The following KMT5A variants were observed in gnomAD, a reference collection of about 807,000 sequenced individuals.
The protein encoded by KMT5A is N-lysine methyltransferase KMT5A.
Under a neutral mutation model 40.6 loss-of-function variants are expected in KMT5A, and 6 were observed. The ratio of observed to expected loss-of-function variants is 0.15; its 90% CI spans 0.08 to 0.29. KMT5A has a LOEUF of 0.29. Ranked by LOEUF, KMT5A falls within the 10% of genes least tolerant of loss-of-function variation. The pLI is 1.00. For missense variants in KMT5A, 308 were observed against 459.1 expected, an observed-to-expected ratio of 0.67 and a Z score of 3.01; for synonymous variants, 153 against 178.8, an observed-to-expected ratio of 0.86 and a Z score of 1.15.
chr12:123,404,747 G>A, intron 6 of KMT5A, 137 bp from the exon 7 acceptor site: 1 of 804,064 alleles, frequency 1.2e-6, no homozygotes, highest in South Asian at 1.9e-5. Context: ...GCCTGTACAT[G>A]TAAAGTGAGT....
intron 5 of KMT5A, among the ~76,000 whole-genome samples, chr12:123,397,155 G>T (rs1366196166): frequency 6.6e-6 from 1 of 152,274 alleles, no homozygotes; most frequent in Non-Finnish European, 1.5e-5. Context: ...AGGCCAGCTG[G>T]CCTATGCGGG....
At chr12:123,404,176 A>G (rs1038247202) in intron 6 of KMT5A, among the ~76,000 whole-genome samples, 1 of 152,190 alleles carries the variant, frequency 6.6e-6, no homozygotes, top group Non-Finnish European at 1.5e-5. Context: ...AGATAATGAC[A>G]ATGCCCAAGA....
intron 5 of KMT5A, among the ~76,000 whole-genome samples, chr12:123,401,142 TTC>T (rs1878126684): frequency 1.0e-5 from 1 of 96,984 alleles, no homozygotes; most frequent in Admixed American, 1.3e-4. Flanking sequence ...ATATATATCT[TTC>T]TTTTTTTTTT....
intron 1 of KMT5A, among the ~76,000 whole-genome samples, chr12:123,387,956 G>A (rs1024961894): frequency 6.6e-6 from 1 of 152,250 alleles, no homozygotes; most frequent in Admixed American, 6.5e-5. Flanking sequence ...CAGGCTGCAG[G>A]AGCTGGATGC....
chr12:123,399,172 G>A (rs1482806363), intron 5 of KMT5A, among the ~76,000 whole-genome samples: 2 of 152,250 alleles, frequency 1.3e-5, no homozygotes, highest in Non-Finnish European at 2.9e-5. Context: ...TGCCCAGCTC[G>A]GCCCCAGGGC....
At chr12:123,390,398 C>T (rs1255367265) in intron 2 of KMT5A, among the ~76,000 whole-genome samples, 1 of 152,188 alleles carries the variant, frequency 6.6e-6, no homozygotes, top group East Asian at 1.9e-4. Context: ...TCCTGCTGGC[C>T]AGCTGTCCCC....
chr12:123,397,573 T>G (rs1289479775), intron 5 of KMT5A, among the ~76,000 whole-genome samples: 1 of 152,184 alleles, frequency 6.6e-6, no homozygotes, highest in East Asian at 1.9e-4. Context: ...GAGAGCAGCT[T>G]TGGTTTTATT....
At chr12:123,386,009 C>A (rs1876852487) in intron 1 of KMT5A, among the ~76,000 whole-genome samples, 1 of 152,060 alleles carries the variant, frequency 6.6e-6, no homozygotes, top group African/African-American at 2.4e-5. Context: ...TTGGCTGGGT[C>A]TTTGCTTGTG....
intron 5 of KMT5A, among the ~76,000 whole-genome samples, chr12:123,399,409 G>A (rs1338376238): frequency 6.6e-6 from 1 of 152,212 alleles, no homozygotes; most frequent in Non-Finnish European, 1.5e-5. Context: ...GCTTTGTGCC[G>A]GGGCATCTGG....
chr12:123,394,510 C>T (rs1346897738), intron 3 of KMT5A, among the ~76,000 whole-genome samples: 1 of 152,162 alleles, frequency 6.6e-6, no homozygotes, highest in Non-Finnish European at 1.5e-5. Context: ...AGTGTGTCTC[C>T]CGATACCCAG....
chr12:123,398,773 G>C (rs575213267), intron 5 of KMT5A, among the ~76,000 whole-genome samples: 298 of 152,342 alleles, frequency 2.0e-3, no homozygotes, highest in African/African-American at 6.8e-3. Context: ...GCCCAAGAAC[G>C]GGACAGCTGG....
intron 1 of KMT5A, among the ~76,000 whole-genome samples, chr12:123,388,098 G>A (rs974073792): frequency 5.3e-5 from 8 of 152,196 alleles, no homozygotes; most frequent in African/African-American, 1.2e-4. Flanking sequence ...CCAGAGTGAC[G>A]GGAACCTCGT....
rs1209360034 is a variant in KMT5A at position 123,399,947 on chromosome 12, C to CT, written c.597+3516dup. The stretch of plus-strand genomic sequence containing the variant: ...CAAGTGATTCTCCTGCCTCAGTCTC[C>CT]TGAGTACCTGGGATTACAGGCGCCC... On this transcript the variant is annotated intron_variant, in intron 5 of 7. Transcript: ENST00000402868. Among the ~76,000 whole-genome samples the CT allele has an allele frequency of 2.0e-5, 3 of 152,144 alleles. No individual in the cohort carries two copies. The East Asian group carries it at 5.8e-4, about 29-fold the overall frequency.
At chr12:123,397,033 C>T (rs1279832636) in intron 5 of KMT5A, among the ~76,000 whole-genome samples, 4 of 152,258 alleles carry the variant, frequency 2.6e-5, no homozygotes, top group Admixed American at 2.6e-4. Context: ...TAAGTGCCAG[C>T]TAACTGTTAC....
chr12:123,406,155 G>A lies in KMT5A; in HGVS notation c.848+1081G>A, dbSNP rs191999545. Among the ~76,000 whole-genome samples the A allele has an allele frequency of 1.4e-4, 21 of 152,224 alleles. No homozygotes were observed. In the East Asian group the frequency reaches 3.9e-3, roughly 28 times the overall value. On this transcript the variant is annotated intron_variant, in intron 7 of 7. Coordinates refer to ENST00000402868, the MANE Select transcript of KMT5A (RefSeq NM_020382.7). ...TAATCTTTGGAATTGGAGCTGTCCT[G>A]GATGTTATCTCATCCAAGGGGAGAA...
intron 1 of KMT5A, 100 bp from the exon 2 acceptor site, chr12:123,389,333 G>T (rs1205664279): frequency 6.5e-6 from 5 of 769,546 alleles, no homozygotes; most frequent in Non-Finnish European, 7.9e-6. Context: ...TGGCTGCGGC[G>T]GGAGGCGCCG....
At chr12:123,401,870 C>T (rs1878207384) in intron 5 of KMT5A, among the ~76,000 whole-genome samples, 1 of 152,068 alleles carries the variant, frequency 6.6e-6, no homozygotes, top group African/African-American at 2.4e-5. Flanking sequence ...ACGTGAGCCA[C>T]CATGCCTGGT....
At chr12:123,394,392 T>G (rs1877539444) in intron 3 of KMT5A, among the ~76,000 whole-genome samples, 1 of 152,182 alleles carries the variant, frequency 6.6e-6, no homozygotes, top group South Asian at 2.1e-4. Context: ...CAGGAGCCAC[T>G]GTGTCCAGCC....
rs1878689640 is a variant in KMT5A at position 123,408,046 on chromosome 12, G to C, written c.*343G>C. On this transcript the variant is annotated 3_prime_UTR_variant, in exon 8 of 8. Transcript: ENST00000402868. ...AGTCAAACATGAACTAGGAAGCCAG[G>C]TGAGTCTCCTTTCTCCAGTGGAAGA... is the stretch of plus-strand genomic sequence containing the variant. The C allele has an allele frequency of 4.0e-6, 1 of 250,324 alleles. No individual in the cohort carries two copies. The highest frequency in any genetic ancestry group is 2.3e-5 in the African/African-American group (1 of 43,564). The allele number at this position is 250,324 out of a possible 1,614,324, so 15.5% of individuals were successfully genotyped here.
Sources: allele counts gnomAD v4.1 joint callset (sites outside exome capture counted in the v4.1 genomes callset), GRCh38; gene constraint gnomAD v4.1.1; transcripts MANE v1.5; gene names NCBI Gene and HGNC (gene_info 2026-07-23, HGNC 2026-07-21).